The following SHROOM3 variants were observed in gnomAD, a reference collection of about 807,000 sequenced individuals.
SHROOM3 encodes the protein protein Shroom3.
A neutral mutation model predicts 138.6 loss-of-function variants in SHROOM3; 47 were observed. The ratio of observed to expected loss-of-function variants is 0.34; its 90% CI spans 0.27 to 0.43. SHROOM3 has a LOEUF of 0.43. Ranked by LOEUF, SHROOM3 falls within the 20% of genes least tolerant of loss-of-function variation. The pLI, the probability that SHROOM3 is intolerant of heterozygous loss-of-function variation, is 1.00. For synonymous variants in SHROOM3, 1,062 were observed against 1,063.3 expected (o/e 1.00, Z 0.02); for missense variants, 2,491 against 2,596.5 (o/e 0.96, Z 0.88).
intron 1 of SHROOM3, among the ~76,000 whole-genome samples, chr4:76,464,190 C>T (rs1433224611): frequency 6.6e-6 from 1 of 152,216 alleles, no homozygotes; most frequent in Non-Finnish European, 1.5e-5. Flanking sequence ...GTGGAGCCAC[C>T]TAAGGCCTTG....
intron 2 of SHROOM3, among the ~76,000 whole-genome samples, chr4:76,697,143 G>A (rs528628998): frequency 6.7e-6 from 1 of 149,618 alleles, no homozygotes; most frequent in African/African-American, 2.5e-5. Flanking sequence ...GCCCAGGCTG[G>A]TCTCAAATTC....
intron 2 of SHROOM3, among the ~76,000 whole-genome samples, chr4:76,643,158 G>A (rs1005962950): frequency 6.7e-6 from 1 of 150,324 alleles, no homozygotes; most frequent in Non-Finnish European, 1.5e-5. Flanking sequence ...AGCTTGTGGT[G>A]AGCCGAAATT....
At chr4:76,685,066 C>G (rs1452231241) in intron 2 of SHROOM3, among the ~76,000 whole-genome samples, 1 of 152,146 alleles carries the variant, frequency 6.6e-6, no homozygotes, top group Non-Finnish European at 1.5e-5. Context: ...CAGTAAACCC[C>G]AACACCCATT....
chr4:76,660,561 C>T (rs927018809), intron 2 of SHROOM3, among the ~76,000 whole-genome samples: 10 of 152,008 alleles, frequency 6.6e-5, no homozygotes, highest in Non-Finnish European at 1.0e-4. Context: ...CTGCAACCTC[C>T]GCCTCCCAGA....
intron 1 of SHROOM3, among the ~76,000 whole-genome samples, chr4:76,553,792 C>G (rs1733419432): frequency 6.6e-6 from 1 of 152,160 alleles, no homozygotes; most frequent in Non-Finnish European, 1.5e-5. Flanking sequence ...CCACTGTGCC[C>G]AGCCAGCGTA....
intron 9 of SHROOM3, among the ~76,000 whole-genome samples, chr4:76,769,751 T>C (rs1722286877): frequency 6.6e-6 from 1 of 152,200 alleles, no homozygotes; most frequent in South Asian, 2.1e-4. Context: ...TCCTCCCTTA[T>C]TATAGGTAGA....
At chr4:76,457,711 C>T (rs894351181) in intron 1 of SHROOM3, among the ~76,000 whole-genome samples, 8 of 151,888 alleles carry the variant, frequency 5.3e-5, no homozygotes, top group Admixed American at 2.6e-4. Context: ...AGGATGGCCT[C>T]GATCTCCTGA....
intron 1 of SHROOM3, among the ~76,000 whole-genome samples, chr4:76,449,057 T>C (rs1730869371): frequency 1.3e-5 from 2 of 152,228 alleles, no homozygotes; most frequent in South Asian, 4.1e-4. Context: ...CTCATTCTGC[T>C]TTTATCATCA....
At chr4:76,768,149 T>C (rs1320388980) in intron 9 of SHROOM3, among the ~76,000 whole-genome samples, 1 of 152,236 alleles carries the variant, frequency 6.6e-6, no homozygotes, top group African/African-American at 2.4e-5. Flanking sequence ...ACATTCTCTC[T>C]CATTATCTGT....
At chr4:76,678,075 T>G (rs1021962819) in intron 2 of SHROOM3, among the ~76,000 whole-genome samples, 4 of 152,106 alleles carry the variant, frequency 2.6e-5, no homozygotes, top group Non-Finnish European at 5.9e-5. Flanking sequence ...ATAAGAGAGG[T>G]GAATTAGCTT....
chr4:76,608,570 CATA>C (rs1160480716), intron 2 of SHROOM3, among the ~76,000 whole-genome samples: 8 of 148,752 alleles, frequency 5.4e-5, no homozygotes, highest in African/African-American at 2.0e-4. Context: ...CATAGCATAG[CATA>C]GCATAGCATA....
chr4:76,642,450 A>C (rs540494367), intron 2 of SHROOM3, among the ~76,000 whole-genome samples: 1 of 152,298 alleles, frequency 6.6e-6, no homozygotes, highest in Admixed American at 6.5e-5. Context: ...AATATGCAGT[A>C]TGACGCCACT....
intron 2 of SHROOM3, among the ~76,000 whole-genome samples, chr4:76,571,025 C>T (rs1354276608): frequency 1.3e-5 from 2 of 152,264 alleles, no homozygotes; most frequent in East Asian, 3.9e-4. Context: ...ATCCTACTTA[C>T]AGGAATCATT....
chr4:76,657,492 T>C (rs1298919552), intron 2 of SHROOM3, among the ~76,000 whole-genome samples: 1 of 152,212 alleles, frequency 6.6e-6, no homozygotes, highest in Non-Finnish European at 1.5e-5. Flanking sequence ...CCTTAACTTG[T>C]CCCTGAATAT....
chr4:76,555,788 C>A (rs1733473106), intron 2 of SHROOM3, 25 bp downstream of exon 2: 11 of 1,607,570 alleles, frequency 6.8e-6, no homozygotes, highest in Non-Finnish European at 9.3e-6. Flanking sequence ...CCCACCCTGT[C>A]CCTCCTACCA....
rs376616692 is a variant in SHROOM3, at chr4:76,595,795, A to AG, written c.323+40036dup. Reference sequence around the variant, plus strand: ...CAAAATTATACTTGTGGAGTAAAACAGGGGACAGTAACCATTGAGTAAACA... The same window carrying AG: ...CAAAATTATACTTGTGGAGTAAAACAGGGGGACAGTAACCATTGAGTAAACA... On this transcript the variant is annotated intron_variant, in intron 2 of 10. Coordinates refer to ENST00000296043, the MANE Select transcript of SHROOM3 (RefSeq NM_020859.4). Among the ~76,000 whole-genome samples the AG allele has an allele frequency of 2.0e-3, 304 of 152,344 alleles. 3 individuals carry two copies. Among genetic ancestry groups the AG allele is most frequent in the African/African-American group, 6.8e-3 (283 of 41,582 alleles).
At chr4:76,528,646 G>A (rs527429927) in intron 1 of SHROOM3, among the ~76,000 whole-genome samples, 3 of 146,158 alleles carry the variant, frequency 2.1e-5, no homozygotes, top group Non-Finnish European at 4.5e-5. Context: ...TCTACCTCCC[G>A]GGTTCAAGCG....
intron 4 of SHROOM3, among the ~76,000 whole-genome samples, chr4:76,735,478 C>A (rs551418788): frequency 9.9e-5 from 15 of 152,070 alleles, no homozygotes; most frequent in African/African-American, 3.6e-4. Context: ...ACCCACTATA[C>A]CCTTGCACTG....
chr4:76,478,362 G>A (rs1338596995), intron 1 of SHROOM3, among the ~76,000 whole-genome samples: 1 of 152,224 alleles, frequency 6.6e-6, no homozygotes, highest in African/African-American at 2.4e-5. Context: ...AAGCCACTGG[G>A]AAGTTCAAAC....
Sources: gnomAD v4.1 joint callset for allele counts (sites outside exome capture counted in the v4.1 genomes callset) on GRCh38, gnomAD v4.1.1 for gene constraint, MANE v1.5 for transcripts, NCBI Gene and HGNC (gene_info 2026-07-23, HGNC 2026-07-21) for gene names.